MLXIP: variants seen among roughly 807,000 people sequenced by gnomAD.
MLXIP encodes the protein MLX-interacting protein.
In MLXIP, 30 loss-of-function variants were observed where a neutral mutation model predicts 87.2. The ratio of observed to expected loss-of-function variants is 0.34; its 90% CI spans 0.26 to 0.47. MLXIP has a LOEUF of 0.47. Ranked by LOEUF, MLXIP falls within the 20% of genes least tolerant of loss-of-function variation. The probability of loss-of-function intolerance (pLI) is 1.00; values close to 1 mark genes in which losing one functional copy is unlikely to be tolerated. For missense variants in MLXIP, 1,002 were observed against 1,240.1 expected (o/e 0.81, Z 2.88); for synonymous variants, 530 against 514.0 (o/e 1.03, Z -0.42).
At chr12:122,115,747 C>T (rs532668111) in intron 1 of MLXIP, among the ~76,000 whole-genome samples, 5 of 151,892 alleles carry the variant, frequency 3.3e-5, no homozygotes, top group East Asian at 1.9e-4. Flanking sequence ...TATAATATTG[C>T]GAATATAAAA....
intron 1 of MLXIP, among the ~76,000 whole-genome samples, chr12:122,117,358 C>G (rs1288343024): frequency 6.6e-6 from 1 of 152,248 alleles, no homozygotes; most frequent in Non-Finnish European, 1.5e-5. Flanking sequence ...GGCAGTGGCC[C>G]CTCCCGCGTG....
In MLXIP at chr12:122,136,002, T is replaced by C; in HGVS notation, c.2032+336T>C. 1.2e-5 allele frequency: 3 copies of C among 245,222 alleles called. 1 individual carries two copies. Among genetic ancestry groups the C allele is most frequent in the South Asian group, 2.0e-4 (2 of 9,910 alleles). The allele number at this position is 245,222 out of a possible 1,614,324, so 15.2% of individuals were successfully genotyped here. A position where few individuals can be genotyped will look rare whatever the true frequency, so the allele number is the denominator to read the frequency against. ...ATTGAGGAGCCCTGGGCTTCCTGTC[T>C]CTGGGAGCATCAGCCTGGGGTTGCT... On this transcript the variant is annotated intron_variant, in intron 11 of 16. Coordinates refer to ENST00000319080, the MANE Select transcript of MLXIP (RefSeq NM_014938.6).
intron 1 of MLXIP, among the ~76,000 whole-genome samples, chr12:122,104,493 C>T (rs1054320119): frequency 2.0e-5 from 3 of 151,574 alleles, no homozygotes; most frequent in Admixed American, 6.6e-5. Flanking sequence ...TATAGCAGTG[C>T]GTTTTCTCCA....
chr12:122,138,986 C>T, intron 15 of MLXIP, 48 bp downstream of exon 15: 1 of 1,608,616 alleles, frequency 6.2e-7, no homozygotes, highest in Non-Finnish European at 8.5e-7. Flanking sequence ...AGCCAATGCA[C>T]TGAAGCCACA....
chr12:122,087,522 A>G (rs1007378793), intron 1 of MLXIP, among the ~76,000 whole-genome samples: 7 of 152,176 alleles, frequency 4.6e-5, no homozygotes, highest in Non-Finnish European at 8.8e-5. Context: ...AGGTGCGGGA[A>G]GAGGCCCAGG....
chr12:122,126,916 C>T (rs755707209), intron 1 of MLXIP, among the ~76,000 whole-genome samples: 13 of 152,184 alleles, frequency 8.5e-5, no homozygotes, highest in Admixed American at 4.6e-4. Context: ...CACTGCATGC[C>T]CAGTGTTCAG....
rs1026275174 is a variant in MLXIP at position 122,147,118 on chromosome 12, G to T, written c.*5306G>T. 2 of 152,170 alleles carry T rather than the reference G, an allele frequency of 1.3e-5. No individual in the cohort carries two copies. The highest frequency in any genetic ancestry group is 4.8e-5 in the African/African-American group (2 of 41,416). 9.4% of individuals were successfully genotyped at this position (152,170 alleles called of 1,614,324 possible). On this transcript the variant is annotated 3_prime_UTR_variant, in exon 17 of 17. Transcript: ENST00000319080. ...TCTGGTGTGAGCTTTGGTGATGGTG[G>T]CAGGGCTCCTTTGAAGAGATGGTTC...
intron 1 of MLXIP, among the ~76,000 whole-genome samples, chr12:122,113,123 C>A (rs1328967097): frequency 6.6e-6 from 1 of 152,018 alleles, no homozygotes; most frequent in Non-Finnish European, 1.5e-5. Context: ...GTGAAATATT[C>A]TGTATATAAA....
intron 16 of MLXIP, 56 bp downstream of exon 16, chr12:122,141,139 G>A: frequency 6.4e-7 from 1 of 1,552,444 alleles, no homozygotes; most frequent in Non-Finnish European, 8.7e-7. Flanking sequence ...AGGGAGGACA[G>A]CCCCAGGCTG....
chr12:122,091,161 C>A (rs1952240409), intron 1 of MLXIP, among the ~76,000 whole-genome samples: 1 of 152,170 alleles, frequency 6.6e-6, no homozygotes. Flanking sequence ...ACAGTTCTGA[C>A]TTTCAACATT....
chr12:122,110,689 T>C (rs1391632473), intron 1 of MLXIP, among the ~76,000 whole-genome samples: 1 of 151,778 alleles, frequency 6.6e-6, no homozygotes, highest in Non-Finnish European at 1.5e-5. Context: ...GAGGATCACA[T>C]GAACCCAGTA....
chr12:122,109,967 T>G (rs1230289083), intron 1 of MLXIP, among the ~76,000 whole-genome samples: 1 of 152,172 alleles, frequency 6.6e-6, no homozygotes, highest in African/African-American at 2.4e-5. Flanking sequence ...CTATTCTTCC[T>G]TTTGCCGAAT....
At chr12:122,118,455 C>T (rs562483041) in intron 1 of MLXIP, among the ~76,000 whole-genome samples, 11 of 152,316 alleles carry the variant, frequency 7.2e-5, no homozygotes, top group South Asian at 2.1e-4. Flanking sequence ...AAAGGGAAAT[C>T]GCTGTGGCAC....
intron 1 of MLXIP, among the ~76,000 whole-genome samples, chr12:122,115,588 CAAAA>C (rs35318582): frequency 9.0e-6 from 1 of 110,738 alleles, no homozygotes; most frequent in African/African-American, 4.2e-5. Flanking sequence ...AACTCCTTCT[CAAAA>C]AAAAAAAAAA....
At chr12:122,102,600 T>C (rs894566783) in intron 1 of MLXIP, among the ~76,000 whole-genome samples, 2 of 152,298 alleles carry the variant, frequency 1.3e-5, no homozygotes, top group African/African-American at 4.8e-5. Flanking sequence ...CTACAAAAAC[T>C]TGTACACAGA....
At chr12:122,101,532 C>G (rs939256285) in intron 1 of MLXIP, among the ~76,000 whole-genome samples, 1 of 149,326 alleles carries the variant, frequency 6.7e-6, no homozygotes, top group Middle Eastern at 3.4e-3. Context: ...CTCCTGTATT[C>G]TCTTCAAGAA....
intron 15 of MLXIP, among the ~76,000 whole-genome samples, chr12:122,139,613 C>T (rs1953161009): frequency 6.6e-6 from 1 of 152,182 alleles, no homozygotes; most frequent in African/African-American, 2.4e-5. Flanking sequence ...CCAGCTGCAG[C>T]TATCGGGCAG....
chr12:122,083,694 G>A (rs1262755403), intron 1 of MLXIP, among the ~76,000 whole-genome samples: 1 of 152,206 alleles, frequency 6.6e-6, no homozygotes, highest in Non-Finnish European at 1.5e-5. Flanking sequence ...GATTACAGGC[G>A]TGAGCCACCG....
chr12:122,123,298 G>A (rs1952813885), intron 1 of MLXIP, among the ~76,000 whole-genome samples: 1 of 152,200 alleles, frequency 6.6e-6, no homozygotes, highest in Admixed American at 6.5e-5. Context: ...GGGGGTGCAG[G>A]CCGTCGACCC....
Sources: gnomAD v4.1 joint callset for allele counts (sites outside exome capture counted in the v4.1 genomes callset) on GRCh38, gnomAD v4.1.1 for gene constraint, MANE v1.5 for transcripts, NCBI Gene and HGNC (gene_info 2026-07-23, HGNC 2026-07-21) for gene names.